The following NCOA2 variants were observed in gnomAD, a reference collection of about 807,000 sequenced individuals.
NCOA2 encodes nuclear receptor coactivator 2.
In NCOA2, 21 loss-of-function variants were observed where a neutral mutation model predicts 145.1. The observed-to-expected ratio is 0.14, with a 90% CI of 0.10 to 0.21. The LOEUF is 0.21. Among genes scored for constraint, NCOA2 ranks in the 10% least tolerant of loss-of-function variants. The probability of loss-of-function intolerance (pLI) is 1.00; values close to 1 mark genes in which losing one functional copy is unlikely to be tolerated. For synonymous variants in NCOA2, 619 were observed against 637.5 expected (o/e 0.97, Z 0.44); for missense variants, 1,472 against 1,837.6 (o/e 0.80, Z 3.64).
At chr8:70,230,983 ATT>A (rs1350578553) in intron 2 of NCOA2, among the ~76,000 whole-genome samples, 3 of 152,142 alleles carry the variant, frequency 2.0e-5, no homozygotes, top group African/African-American at 7.2e-5. Flanking sequence ...ATATTTAACC[ATT>A]TGTTTCCATT....
intron 1 of NCOA2, among the ~76,000 whole-genome samples, chr8:70,325,630 T>C (rs140917746): frequency 6.6e-6 from 1 of 152,256 alleles, no homozygotes; most frequent in Non-Finnish European, 1.5e-5. Context: ...CTTGAACTCC[T>C]GGACTCAAGT....
intron 1 of NCOA2, among the ~76,000 whole-genome samples, chr8:70,400,384 GA>G (rs1814121144): frequency 6.6e-6 from 1 of 152,100 alleles, no homozygotes; most frequent in Non-Finnish European, 1.5e-5. Context: ...ATATGCTTGA[GA>G]GGTTTTTTTC....
At chr8:70,403,295 G>A (rs1210090418) in intron 1 of NCOA2, among the ~76,000 whole-genome samples, 1 of 151,132 alleles carries the variant, frequency 6.6e-6, no homozygotes, top group Non-Finnish European at 1.5e-5. Context: ...CTCGGGGCGG[G>A]GGCCGCGCCC....
At chr8:70,182,802 G>C (rs1313011502) in intron 4 of NCOA2, among the ~76,000 whole-genome samples, 1 of 152,060 alleles carries the variant, frequency 6.6e-6, no homozygotes, top group Non-Finnish European at 1.5e-5. Context: ...CACAGTTCAT[G>C]TCCTATAGGA....
chr8:70,161,616 C>T (rs1393061970), intron 9 of NCOA2, among the ~76,000 whole-genome samples: 3 of 152,164 alleles, frequency 2.0e-5, no homozygotes, highest in African/African-American at 7.2e-5. Context: ...TTTAAACATA[C>T]CAACACTATT....
chr8:70,277,049 T>C (rs1462919976), intron 2 of NCOA2, among the ~76,000 whole-genome samples: 1 of 152,222 alleles, frequency 6.6e-6, no homozygotes, highest in Non-Finnish European at 1.5e-5. Context: ...AACCTAGATT[T>C]CTCCACCTTG....
chr8:70,384,259 C>CA (rs200206851), intron 1 of NCOA2, among the ~76,000 whole-genome samples: 207 of 139,044 alleles, frequency 1.5e-3, no homozygotes, highest in Non-Finnish European at 1.7e-3. Flanking sequence ...ATTCAAACTC[C>CA]AAAAAAAAAA....
chr8:70,356,649 C>G (rs1809723419), intron 1 of NCOA2, among the ~76,000 whole-genome samples: 1 of 152,188 alleles, frequency 6.6e-6, no homozygotes, highest in Non-Finnish European at 1.5e-5. Flanking sequence ...TACTGAACAT[C>G]CCTAAAAGCA....
At chr8:70,358,137 C>T (rs1043754203) in intron 1 of NCOA2, among the ~76,000 whole-genome samples, 1 of 152,072 alleles carries the variant, frequency 6.6e-6, no homozygotes, top group African/African-American at 2.4e-5. Flanking sequence ...GGAAATTATC[C>T]TCTGTTCATG....
intron 2 of NCOA2, among the ~76,000 whole-genome samples, chr8:70,225,064 T>C (rs1330646614): frequency 6.6e-6 from 1 of 152,148 alleles, no homozygotes; most frequent in African/African-American, 2.4e-5. Flanking sequence ...TAAGGGGGAA[T>C]GCAGATCACA....
chr8:70,302,152 T>C (rs942514806), intron 1 of NCOA2, among the ~76,000 whole-genome samples: 1 of 152,200 alleles, frequency 6.6e-6, no homozygotes, highest in African/African-American at 2.4e-5. Flanking sequence ...ATGATATTGT[T>C]ATTATACAAA....
chr8:70,219,274 T>C lies in NCOA2; in HGVS notation c.-19-2510A>G, dbSNP rs144784338. ...AGACTGAAAATATCATAATTTCCTC[T>C]TGAAGTAAGTTATTTAAATGCCAAG... On this transcript the variant is annotated intron_variant, in intron 2 of 22. Transcript: ENST00000452400. Among the ~76,000 whole-genome samples, 154 of 152,328 alleles carry C rather than the reference T, an allele frequency of 1.0e-3. 4 individuals carry two copies. Among genetic ancestry groups the C allele is most frequent in the Admixed American group, 8.0e-3 (122 of 15,296 alleles).
At chr8:70,117,123 G>A (rs764784600) in intron 22 of NCOA2, among the ~76,000 whole-genome samples, 1 of 152,232 alleles carries the variant, frequency 6.6e-6, no homozygotes. Flanking sequence ...GCCCCCATGG[G>A]CCACCAGGAT....
intron 1 of NCOA2, among the ~76,000 whole-genome samples, chr8:70,300,419 G>A (rs1050630831): frequency 6.6e-6 from 1 of 152,118 alleles, no homozygotes; most frequent in Non-Finnish European, 1.5e-5. Flanking sequence ...TACAGTTTCC[G>A]CGTGAGTAGG....
At chr8:70,126,487 A>G (rs952854184) in intron 19 of NCOA2, 1 of 311,444 alleles carries the variant, frequency 3.2e-6, no homozygotes, top group Non-Finnish European at 6.0e-6. Flanking sequence ...ATGAACTTGT[A>G]GACATTGACA....
chr8:70,424,363 A>G, the NCOA2 span: 1 of 371,422 alleles, frequency 2.7e-6, no homozygotes. Flanking sequence ...GAATGCATGG[A>G]TTCTGCTTAG....
In NCOA2 at chr8:70,216,684, T is replaced by TC; in HGVS notation, c.61dup (p.Glu21GlyfsTer4). The TC allele has an allele frequency of 6.2e-7, 1 of 1,613,766 alleles. No individual in the cohort carries two copies. Among genetic ancestry groups the TC allele is most frequent in the Non-Finnish European group, 8.5e-7 (1 of 1,179,678 alleles). ...CCTGGGTCCAAGTTGGTCAGGACAT[T>TC]CCTTGCGCTTTCTTGTCTCTGCCCT... On this transcript the variant is annotated frameshift_variant, in exon 3 of 23. Transcript: ENST00000452400. LOFTEE classifies it high-confidence loss of function.
intron 1 of NCOA2, among the ~76,000 whole-genome samples, chr8:70,340,440 AAC>A (rs1165161369): frequency 1.3e-5 from 2 of 152,192 alleles, no homozygotes; most frequent in African/African-American, 4.8e-5. Flanking sequence ...AAAAGTCAAA[AAC>A]AGCAAATGCT....
chr8:70,159,782 T>C, intron 9 of NCOA2, 130 bp from the exon 10 acceptor site: 1 of 755,102 alleles, frequency 1.3e-6, no homozygotes. Flanking sequence ...TGTAAAGAGT[T>C]ATAAGTAATA....
Sources: allele counts gnomAD v4.1 joint callset (sites outside exome capture counted in the v4.1 genomes callset), GRCh38; gene constraint gnomAD v4.1.1; transcripts MANE v1.5; gene names NCBI Gene and HGNC (gene_info 2026-07-23, HGNC 2026-07-21).